The following NFIB variants were observed in gnomAD, a reference collection of about 807,000 sequenced individuals.
NFIB encodes nuclear factor 1 B-type.
NFIB carries 11 observed loss-of-function variants against 61.5 expected under a neutral mutation model. The observed-to-expected ratio is 0.18, with a 90% CI of 0.11 to 0.30. The LOEUF (loss-of-function observed/expected upper bound fraction) is 0.30. Ranked by LOEUF, NFIB falls within the 10% of genes least tolerant of loss-of-function variation. The probability of loss-of-function intolerance (pLI) is 1.00; values close to 1 mark genes in which losing one functional copy is unlikely to be tolerated. For missense variants in NFIB, 471 were observed against 608.9 expected, an observed-to-expected ratio of 0.77 and a Z score of 2.38; for synonymous variants, 260 against 216.5, an observed-to-expected ratio of 1.20 and a Z score of -1.76.
intron 2 of NFIB, chr9:14,305,780 G>T (rs2059986393): frequency 6.4e-6 from 2 of 313,608 alleles, no homozygotes; most frequent in African/African-American, 2.1e-5. Context: ...GCTCATAGCA[G>T]TTTATTAAGT....
intron 2 of NFIB, among the ~76,000 whole-genome samples, chr9:14,288,109 T>C (rs1415627408): frequency 2.0e-5 from 3 of 152,084 alleles, no homozygotes; most frequent in Admixed American, 6.6e-5. Context: ...GCCTATAGAA[T>C]TATCTTCTCA....
chr9:14,410,311 A>C, the NFIB span, among the ~76,000 whole-genome samples: 1 of 152,058 alleles, frequency 6.6e-6, no homozygotes, highest in African/African-American at 2.4e-5. Flanking sequence ...CCATATTTTC[A>C]TATTTTGCCC....
At chr9:14,466,863 T>C in the NFIB span, among the ~76,000 whole-genome samples, 10 of 152,188 alleles carry the variant, frequency 6.6e-5, no homozygotes, top group African/African-American at 2.4e-4. Context: ...GCCTGGCTTT[T>C]AGCCCCACTG....
At chr9:14,527,515 A>G in the NFIB span, among the ~76,000 whole-genome samples, 1 of 152,202 alleles carries the variant, frequency 6.6e-6, no homozygotes, top group South Asian at 2.1e-4. Flanking sequence ...ATTTTAGAGA[A>G]AACAGAAATT....
intron 10 of NFIB, among the ~76,000 whole-genome samples, chr9:14,108,278 G>C (rs1190922895): frequency 2.6e-5 from 4 of 152,030 alleles, no homozygotes; most frequent in African/African-American, 9.7e-5. Flanking sequence ...TTTGTTCATA[G>C]TCCACTTGTG....
the NFIB span, among the ~76,000 whole-genome samples, chr9:14,518,987 G>A: frequency 0.23 from 35,590 of 152,062 alleles, 4,516 homozygotes; most frequent in East Asian, 0.4. Flanking sequence ...CCATTATTGC[G>A]CCTGGTACAC....
In NFIB at chr9:14,246,739, G is replaced by A. The variant is rs187182697; in HGVS notation, c.562+60250C>T. 2.6e-4 allele frequency among the ~76,000 whole-genome samples: 39 copies of A among 152,300 alleles called. No homozygotes were observed. In the East Asian group the frequency reaches 5.6e-3, roughly 22 times the overall value. On this transcript the variant is annotated intron_variant, in intron 2 of 10. Transcript: ENST00000380953. ...ACTGACAGTGCTAACAGGCTAGAGT[G>A]AAATATCAAGGTATATGTGTGGTTC...
chr9:14,220,842 T>TAC (rs138623129), intron 2 of NFIB, among the ~76,000 whole-genome samples: 6,687 of 122,968 alleles, frequency 0.054, 233 homozygotes, highest in African/African-American at 0.075. Context: ...TCAATCTCCC[T>TAC]ACACACACAC....
chr9:14,196,216 TTACTCCTCC>T, intron 2 of NFIB, among the ~76,000 whole-genome samples: 1 of 152,238 alleles, frequency 6.6e-6, no homozygotes, highest in African/African-American at 2.4e-5. Context: ...CTCAAGGCCA[TTACTCCTCC>T]CATGAGGCAC....
intron 2 of NFIB, among the ~76,000 whole-genome samples, chr9:14,301,480 C>T (rs747681063): frequency 7.2e-5 from 11 of 152,002 alleles, no homozygotes; most frequent in Non-Finnish European, 1.5e-4. Context: ...AATATTTTAC[C>T]AACCTTTGCT....
chr9:14,383,997 C>G (rs987600722), intron 1 of NFIB, among the ~76,000 whole-genome samples: 2 of 152,144 alleles, frequency 1.3e-5, no homozygotes, highest in African/African-American at 2.4e-5. Context: ...GAGAAAAGGC[C>G]GGGGTGCCCA....
the NFIB span, among the ~76,000 whole-genome samples, chr9:14,501,361 G>A: frequency 6.6e-6 from 1 of 152,038 alleles, no homozygotes; most frequent in Non-Finnish European, 1.5e-5. Context: ...GGCCTCTTTG[G>A]TATACAGATT....
chr9:14,145,784 G>T (rs947904331), intron 6 of NFIB, among the ~76,000 whole-genome samples: 1 of 151,298 alleles, frequency 6.6e-6, no homozygotes, highest in East Asian at 1.9e-4. Context: ...CTGAGTAGCT[G>T]AGACTACAGG....
At chr9:14,347,758 G>GT (rs1016536313) in intron 1 of NFIB, among the ~76,000 whole-genome samples, 16 of 152,086 alleles carry the variant, frequency 1.1e-4, no homozygotes, top group East Asian at 3.9e-4. Flanking sequence ...GAGTTCCGCG[G>GT]TTTTTTTTCC....
At chr9:14,402,591 G>C (rs2061753778), upstream of NFIB, among the ~76,000 whole-genome samples, 1 of 151,960 alleles carries the variant, frequency 6.6e-6, no homozygotes, top group Non-Finnish European at 1.5e-5. Context: ...GAAAACATCA[G>C]CCTTAAATTA....
chr9:14,187,424 CCT>C (rs2047500248), intron 2 of NFIB, among the ~76,000 whole-genome samples: 1 of 152,054 alleles, frequency 6.6e-6, no homozygotes, highest in South Asian at 2.1e-4. Context: ...TCTTCAGATC[CCT>C]CTTTCTGTTG....
In NFIB at chr9:14,368,973, T is replaced by C. The variant is rs1000681642; in HGVS notation, c.108+29551A>G. 5.4e-4 allele frequency among the ~76,000 whole-genome samples: 82 copies of C among 152,210 alleles called. 2 individuals are homozygous for C. Among genetic ancestry groups the C allele is most frequent in the Admixed American group, 5.4e-3 (82 of 15,280 alleles). Reference sequence around the variant, plus strand: ...TAAATGAACCAAGAATAGAAAGTGATTGGCACATATAGTAAGTGACAGGTT... The same window carrying C: ...TAAATGAACCAAGAATAGAAAGTGACTGGCACATATAGTAAGTGACAGGTT... On this transcript the variant is annotated intron_variant, in intron 1 of 8. Coordinates refer to the NFIB transcript ENST00000380934.
At position 14,389,611 on chromosome 9, in the gene NFIB, A is replaced by T. The variant is rs187638931; in HGVS notation, c.108+8913T>A. On this transcript the variant is annotated intron_variant, in intron 1 of 8. Coordinates refer to the NFIB transcript ENST00000380934. ...CAAATTGGTAAAACATAAACCAAAT[A>T]TATAGATGTCTACTTTATATCCAAA... 1.4e-4 allele frequency among the ~76,000 whole-genome samples: 22 copies of T among 152,330 alleles called. No individual in the cohort carries two copies. In the East Asian group the frequency reaches 4.2e-3, roughly 29 times the overall value.
the NFIB span, among the ~76,000 whole-genome samples, chr9:14,520,464 G>GA: frequency 3.3e-5 from 5 of 152,174 alleles, no homozygotes; most frequent in African/African-American, 1.2e-4. Context: ...CTTGTACTTA[G>GA]AGCAGCTCAG....
Sources: allele counts gnomAD v4.1 joint callset (sites outside exome capture counted in the v4.1 genomes callset), GRCh38; gene constraint gnomAD v4.1.1; transcripts MANE v1.5; gene names NCBI Gene and HGNC (gene_info 2026-07-23, HGNC 2026-07-21).